The following DENND2B variants were observed in gnomAD, a reference collection of about 807,000 sequenced individuals.
DENND2B encodes DENN domain-containing protein 2B.
Under a neutral mutation model 116.0 loss-of-function variants are expected in DENND2B, and 32 were observed. The observed-to-expected ratio is 0.28, with a 90% CI of 0.21 to 0.37. The LOEUF (loss-of-function observed/expected upper bound fraction) is 0.37, where lower values mean the gene tolerates loss of function less well. DENND2B is among the 10% of genes least tolerant of loss of function. The pLI is 1.00. For synonymous variants in DENND2B, 588 were observed against 583.9 expected (o/e 1.01, Z -0.10); for missense variants, 1,276 against 1,477.7 (o/e 0.86, Z 2.24).
chr11:8,756,934 TG>T, intron 1 of DENND2B: 1 of 417,382 alleles, frequency 2.4e-6, no homozygotes, highest in Non-Finnish European at 4.8e-6. Flanking sequence ...AAAAGGAAAT[TG>T]TTCAATTAGC....
intron 1 of DENND2B, among the ~76,000 whole-genome samples, chr11:8,894,007 G>T (rs1435113664): frequency 1.3e-5 from 2 of 151,434 alleles, no homozygotes; most frequent in Admixed American, 1.3e-4. Flanking sequence ...ATACTACAAG[G>T]CTACAGTAAC....
intron 7 of DENND2B, among the ~76,000 whole-genome samples, chr11:8,714,363 C>T (rs1476015811): frequency 2.0e-5 from 3 of 152,230 alleles, no homozygotes; most frequent in Non-Finnish European, 4.4e-5. Flanking sequence ...GGAAACAGAC[C>T]GCAATGCTCA....
In DENND2B at chr11:8,731,082, G is replaced by T. The variant is rs1271135212; in HGVS notation, c.208C>A (p.Arg70=). The T allele has an allele frequency of 6.2e-7, 1 of 1,612,040 alleles. No individual in the cohort carries two copies. Residue 70 remains arginine, a synonymous_variant, in exon 3 of 20, where the codon CGG becomes AGG. Coordinates refer to ENST00000313726, the MANE Select transcript of DENND2B (RefSeq NM_213618.2). ...TGGGGTGAAGGAGCTGGGGGGTGCC[G>T]GTCCTTGAGGAGCACCCGGGAGCTG... The part of the protein sequence containing the change: ...HSSSRVLLKD[R]HPPAPSPQNP...
intron 2 of DENND2B, among the ~76,000 whole-genome samples, chr11:8,862,188 A>T (rs1033953432): frequency 1.3e-5 from 2 of 152,182 alleles, no homozygotes; most frequent in African/African-American, 4.8e-5. Flanking sequence ...GAAATAAAAA[A>T]TACATATTTT....
At chr11:8,741,843 G>T (rs1252490852) in intron 2 of DENND2B, among the ~76,000 whole-genome samples, 1 of 152,108 alleles carries the variant, frequency 6.6e-6, no homozygotes, top group African/African-American at 2.4e-5. Flanking sequence ...ACATCTCCAG[G>T]TGATACCAGC....
chr11:8,825,852 T>C (rs2061958280), intron 4 of DENND2B, among the ~76,000 whole-genome samples: 1 of 151,986 alleles, frequency 6.6e-6, no homozygotes, highest in South Asian at 2.1e-4. Context: ...TGATTTTGAG[T>C]TTAGCTGACA....
At chr11:8,733,422 C>T (rs918538644) in intron 2 of DENND2B, among the ~76,000 whole-genome samples, 1 of 152,214 alleles carries the variant, frequency 6.6e-6, no homozygotes, top group Non-Finnish European at 1.5e-5. Flanking sequence ...TCGACAAATA[C>T]TTAGTGAGCA....
intron 3 of DENND2B, among the ~76,000 whole-genome samples, chr11:8,846,232 G>A (rs1279639139): frequency 6.6e-6 from 1 of 152,236 alleles, no homozygotes; most frequent in Non-Finnish European, 1.5e-5. Context: ...AGAGGGGACA[G>A]TGTCTATGCT....
intron 4 of DENND2B, among the ~76,000 whole-genome samples, chr11:8,837,765 C>A (rs2062485441): frequency 6.6e-6 from 1 of 152,170 alleles, no homozygotes; most frequent in South Asian, 2.1e-4. Context: ...ATGAACAGAA[C>A]CAACAATCAA....
chr11:8,788,014 C>A (rs1175693210), intron 1 of DENND2B, among the ~76,000 whole-genome samples: 2 of 152,040 alleles, frequency 1.3e-5, no homozygotes, highest in Non-Finnish European at 2.9e-5. Context: ...AAAGGGGTCA[C>A]TCTACCTTTA....
chr11:8,841,279 T>TA (rs200095170), intron 3 of DENND2B, among the ~76,000 whole-genome samples: 3,151 of 150,286 alleles, frequency 0.021, 41 homozygotes, highest in Middle Eastern at 0.034. Flanking sequence ...TCCCTTTGCC[T>TA]AAAAAAAAAA....
At chr11:8,875,745 A>C (rs904828919), upstream of DENND2B, among the ~76,000 whole-genome samples, 2 of 152,224 alleles carry the variant, frequency 1.3e-5, no homozygotes, top group East Asian at 1.9e-4. Flanking sequence ...TTGACCTAAA[A>C]AAAATTTTTT....
chr11:8,761,405 C>A (rs1402835365), intron 1 of DENND2B, among the ~76,000 whole-genome samples: 1 of 152,162 alleles, frequency 6.6e-6, no homozygotes, highest in Non-Finnish European at 1.5e-5. Context: ...GGGGACCAAC[C>A]ACTGCCCTCT....
Position 8,720,588 on chromosome 11 carries a change from G to A in DENND2B, c.1478-2696C>T, listed in dbSNP as rs539259633. ...CTAATCAGTTCTCCAGCAAATAGAC[G>A]GCTGGCTGCAGCCCACACGCTGCCT... On this transcript the variant is annotated intron_variant, in intron 4 of 19. Coordinates refer to ENST00000313726, the MANE Select transcript of DENND2B (RefSeq NM_213618.2). Among the ~76,000 whole-genome samples the A allele has an allele frequency of 9.2e-5, 14 of 152,250 alleles. No individual in the cohort carries two copies. In the East Asian group the frequency reaches 1.5e-3, roughly 17 times the overall value.
chr11:8,890,667 G>T (rs576744994), intron 1 of DENND2B, among the ~76,000 whole-genome samples: 1 of 152,310 alleles, frequency 6.6e-6, no homozygotes, highest in East Asian at 1.9e-4. Context: ...TTAATGAAAT[G>T]AAGTGAGAAG....
At chr11:8,766,915 T>C (rs2055914732) in intron 1 of DENND2B, among the ~76,000 whole-genome samples, 1 of 152,184 alleles carries the variant, frequency 6.6e-6, no homozygotes, top group African/African-American at 2.4e-5. Flanking sequence ...GGCAAGCCTC[T>C]GGCAGCAAGG....
chr11:8,719,426 G>A lies in DENND2B; in HGVS notation c.1478-1534C>T, dbSNP rs561457941. On this transcript the variant is annotated intron_variant, in intron 4 of 19. Coordinates refer to ENST00000313726, the MANE Select transcript of DENND2B (RefSeq NM_213618.2). Reference sequence around the variant, plus strand: ...ACTTATGAGTCAAAGATGGGTCACTGGGATTTGGGACTGGATTAAGTGATT... The same window carrying A: ...ACTTATGAGTCAAAGATGGGTCACTAGGATTTGGGACTGGATTAAGTGATT... Among the ~76,000 whole-genome samples, 31 of 152,300 alleles carry A rather than the reference G, an allele frequency of 2.0e-4. 1 individual carries two copies. Among genetic ancestry groups the A allele is most frequent in the Non-Finnish European group, 3.7e-4 (25 of 68,032 alleles).
intron 1 of DENND2B, among the ~76,000 whole-genome samples, chr11:8,788,161 C>A (rs1038683656): frequency 6.6e-6 from 1 of 152,140 alleles, no homozygotes; most frequent in African/African-American, 2.4e-5. Flanking sequence ...CATCCAAACC[C>A]TGTAAGTGAA....
chr11:8,735,529 T>C (rs1021066354), intron 2 of DENND2B, among the ~76,000 whole-genome samples: 3 of 152,262 alleles, frequency 2.0e-5, no homozygotes, highest in African/African-American at 7.2e-5. Flanking sequence ...AGGCCACGCC[T>C]GCGTATCATT....
Sources: allele counts gnomAD v4.1 joint callset (sites outside exome capture counted in the v4.1 genomes callset), GRCh38; gene constraint gnomAD v4.1.1; transcripts MANE v1.5; gene names NCBI Gene and HGNC (gene_info 2026-07-23, HGNC 2026-07-21).